CAMTA1: variants seen among roughly 807,000 people sequenced by gnomAD.
CAMTA1 encodes calmodulin-binding transcription activator 1.
In CAMTA1, 27 loss-of-function variants were observed where a neutral mutation model predicts 170.9. The ratio of observed to expected loss-of-function variants is 0.16; its 90% CI spans 0.12 to 0.22. The LOEUF is 0.22. Among genes scored for constraint, CAMTA1 ranks in the 10% least tolerant of loss-of-function variants. The pLI is 1.00. For synonymous variants in CAMTA1, 833 were observed against 891.5 expected (o/e 0.93, Z 1.17); for missense variants, 1,619 against 2,217.2 (o/e 0.73, Z 5.42).
intron 6 of CAMTA1, among the ~76,000 whole-genome samples, chr1:7,498,247 TGGGAGA>T (rs2093868354): frequency 1.4e-5 from 2 of 142,034 alleles, no homozygotes; most frequent in African/African-American, 5.5e-5. Flanking sequence ...TGTGGATGTG[TGGGAGA>T]GTGTATGAGA....
At chr1:7,185,320 A>G (rs1027766587) in intron 4 of CAMTA1, among the ~76,000 whole-genome samples, 2 of 152,164 alleles carry the variant, frequency 1.3e-5, no homozygotes, top group African/African-American at 4.8e-5. Flanking sequence ...GCAGGGTGAT[A>G]TGGTTAATTC....
At chr1:7,386,257 G>A (rs1410737207) in intron 5 of CAMTA1, among the ~76,000 whole-genome samples, 1 of 152,248 alleles carries the variant, frequency 6.6e-6, no homozygotes, top group African/African-American at 2.4e-5. Flanking sequence ...GCAGGCCCAA[G>A]AGGCAGAGCT....
chr1:7,113,391 AGC>A lies in CAMTA1; in HGVS notation c.302+22021_302+22022del, dbSNP rs1462297732. Among the ~76,000 whole-genome samples, 1 of 152,206 alleles carries A rather than the reference AGC, an allele frequency of 6.6e-6. No individual in the cohort carries two copies. The highest frequency in any genetic ancestry group is 1.9e-4 in the East Asian group (1 of 5,186). Reference sequence around the variant, plus strand: ...GACGGCAGAGACACTCAGGTGGAGAAGCCAGATGCGGCCCCCTTGGAGAGGGG... The same window carrying A: ...GACGGCAGAGACACTCAGGTGGAGAACAGATGCGGCCCCCTTGGAGAGGGG... On this transcript the variant is annotated intron_variant, in intron 4 of 22. Coordinates refer to ENST00000303635, the MANE Select transcript of CAMTA1 (RefSeq NM_015215.4). This position sits in a 1 kb window ranked among gnomAD's most constrained non-coding sequence, Gnocchi z 4.5.
At chr1:7,026,574 C>T (rs1557991157) in intron 3 of CAMTA1, among the ~76,000 whole-genome samples, 1 of 151,474 alleles carries the variant, frequency 6.6e-6, no homozygotes, top group South Asian at 2.1e-4. Context: ...AGATAAGGAC[C>T]GTGAGGAACA....
intron 3 of CAMTA1, among the ~76,000 whole-genome samples, chr1:6,974,194 A>C (rs1302256388): frequency 2.0e-5 from 3 of 152,120 alleles, no homozygotes; most frequent in Admixed American, 2.0e-4. Flanking sequence ...CCAGTGAGGA[A>C]CAAGGAGAGG....
chr1:7,420,134 C>T (rs2091461610), intron 5 of CAMTA1, among the ~76,000 whole-genome samples: 1 of 152,158 alleles, frequency 6.6e-6, no homozygotes, highest in South Asian at 2.1e-4. Context: ...GCACACCCTC[C>T]TGAACCCATG....
intron 5 of CAMTA1, among the ~76,000 whole-genome samples, chr1:7,269,199 TGACTGAGGAGGACCTGCTGC>T (rs1298543315): frequency 6.6e-6 from 1 of 152,212 alleles, no homozygotes; most frequent in Non-Finnish European, 1.5e-5. Context: ...TCTGAAGGCT[TGACTGAGGAGGACCTGCTGC>T]TAAGCATTCT....
At chr1:7,217,531 GTATAA>G (rs1234166115) in intron 4 of CAMTA1, among the ~76,000 whole-genome samples, 1 of 151,916 alleles carries the variant, frequency 6.6e-6, no homozygotes, top group Non-Finnish European at 1.5e-5. Context: ...TGTCCAATAT[GTATAA>G]TATCTTATAT....
rs1674540630 is a variant in CAMTA1 at position 7,300,080 on chromosome 1, G to T, written c.438+50454G>T. Among the ~76,000 whole-genome samples, 1 of 152,090 alleles carries T rather than the reference G, an allele frequency of 6.6e-6. No individual in the cohort carries two copies. The highest frequency in any genetic ancestry group is 6.5e-5 in the Admixed American group (1 of 15,268). The stretch of plus-strand genomic sequence containing the variant: ...TGCTGTCTGTTTATTTTAGAATCAA[G>T]CAGCTTCTGTATAATTTGAATTTGA... On this transcript the variant is annotated intron_variant, in intron 5 of 22. Coordinates refer to ENST00000303635, the MANE Select transcript of CAMTA1 (RefSeq NM_015215.4). The surrounding 1 kb of genome is among the most constrained non-coding windows in gnomAD (Gnocchi z 4.1).
intron 4 of CAMTA1, among the ~76,000 whole-genome samples, chr1:7,117,911 C>G (rs989986469): frequency 6.6e-6 from 1 of 152,196 alleles, no homozygotes; most frequent in African/African-American, 2.4e-5. Context: ...CCTTTTAACT[C>G]TCCTGGCTTT....
At chr1:6,790,700 C>T (rs1474810958) in intron 1 of CAMTA1, among the ~76,000 whole-genome samples, 2 of 152,102 alleles carry the variant, frequency 1.3e-5, no homozygotes, top group Non-Finnish European at 2.9e-5. Flanking sequence ...CTAATTGATG[C>T]TCATTCTTAG....
At chr1:7,449,548 T>A (rs7543012) in intron 5 of CAMTA1, among the ~76,000 whole-genome samples, 55,354 of 151,696 alleles carry the variant, frequency 0.36, 10,650 homozygotes, top group Non-Finnish European at 0.41. Flanking sequence ...GGCGGGCGGA[T>A]CAATTGAGGA....
intron 1 of CAMTA1, among the ~76,000 whole-genome samples, chr1:6,792,661 C>T (rs747643865): frequency 2.4e-4 from 37 of 151,850 alleles, no homozygotes; most frequent in Admixed American, 7.9e-4. Context: ...TTAAAGGTTC[C>T]TCCATATTCA....
intron 3 of CAMTA1, among the ~76,000 whole-genome samples, chr1:6,904,790 G>C (rs1678000182): frequency 8.0e-6 from 1 of 125,334 alleles, no homozygotes; most frequent in Non-Finnish European, 1.6e-5. Flanking sequence ...ACGAGGTCTT[G>C]CTGTGTTGCC....
At chr1:6,894,073 C>CT (rs1449372792) in intron 3 of CAMTA1, among the ~76,000 whole-genome samples, 1 of 152,220 alleles carries the variant, frequency 6.6e-6, no homozygotes, top group African/African-American at 2.4e-5. Context: ...TTTCAGGTGC[C>CT]TTGTGGCAAG....
intron 4 of CAMTA1, among the ~76,000 whole-genome samples, chr1:7,179,754 A>C (rs1216388509): frequency 6.6e-6 from 1 of 152,220 alleles, no homozygotes; most frequent in African/African-American, 2.4e-5. Flanking sequence ...AAGGAAATTC[A>C]TATCCCTAAA....
chr1:7,418,349 C>T (rs1557681816), intron 5 of CAMTA1, among the ~76,000 whole-genome samples: 1 of 152,178 alleles, frequency 6.6e-6, no homozygotes, highest in Admixed American at 6.5e-5. Context: ...GTGCCCACCA[C>T]CAATGTGCCT....
rs553108508 is a variant in CAMTA1, at chr1:7,547,833, C to T, written c.510+79932C>T. The stretch of plus-strand genomic sequence containing the variant: ...CATCTCTGCCACCCCATGTGGGCCC[C>T]CTCCAAACCCAGACTCTGACACCCC... On this transcript the variant is annotated intron_variant, in intron 6 of 22. Coordinates refer to ENST00000303635, the MANE Select transcript of CAMTA1 (RefSeq NM_015215.4). This position sits in a 1 kb window ranked among gnomAD's most constrained non-coding sequence, Gnocchi z 5.7. 1.6e-4 allele frequency among the ~76,000 whole-genome samples: 25 copies of T among 151,984 alleles called. No homozygotes were observed. Among genetic ancestry groups the T allele is most frequent in the African/African-American group, 3.9e-4 (16 of 41,524 alleles).
At chr1:7,331,187 C>G (rs1240277662) in intron 5 of CAMTA1, among the ~76,000 whole-genome samples, 3 of 152,110 alleles carry the variant, frequency 2.0e-5, no homozygotes, top group Non-Finnish European at 4.4e-5. Context: ...TGTGGTGAGC[C>G]AAGATCATGC....
Sources: allele counts gnomAD v4.1 joint callset (sites outside exome capture counted in the v4.1 genomes callset), GRCh38; gene constraint gnomAD v4.1.1; non-coding constraint Gnocchi (gnomAD v3.1); transcripts MANE v1.5; gene names NCBI Gene and HGNC (gene_info 2026-07-23, HGNC 2026-07-21).